The following ENTPD4 variants were observed in gnomAD, a reference collection of about 807,000 sequenced individuals.
ENTPD4 encodes Golgi UDPase.
ENTPD4 carries 60 observed loss-of-function variants against 79.1 expected under a neutral mutation model. That is an observed-to-expected ratio of 0.76 (90% CI 0.62 to 0.94). The LOEUF (loss-of-function observed/expected upper bound fraction) is 0.94, where lower values mean the gene tolerates loss of function less well. ENTPD4 is among the 40% of genes least tolerant of loss of function. The pLI is 0.00. For synonymous variants in ENTPD4, 276 were observed against 292.0 expected (o/e 0.95, Z 0.56); for missense variants, 772 against 775.1 (o/e 1.00, Z 0.05).
At chr8:23,442,471 G>A (rs888277974) in intron 6 of ENTPD4, among the ~76,000 whole-genome samples, 3 of 152,178 alleles carry the variant, frequency 2.0e-5, no homozygotes, top group African/African-American at 7.2e-5. Flanking sequence ...AGATCATGAG[G>A]TCAAGAGATT....
At chr8:23,442,668 C>T (rs551363013) in intron 6 of ENTPD4, among the ~76,000 whole-genome samples, 26 of 148,476 alleles carry the variant, frequency 1.8e-4, no homozygotes, top group Non-Finnish European at 3.4e-4. Context: ...GGTGACAGAG[C>T]GAGACTCCAT....
At chr8:23,455,440 G>A (rs1033539353) in intron 1 of ENTPD4, among the ~76,000 whole-genome samples, 1 of 152,236 alleles carries the variant, frequency 6.6e-6, no homozygotes, top group African/African-American at 2.4e-5. Flanking sequence ...GAGAGTGAGA[G>A]GCTGATGTGG....
Position 23,447,756 on chromosome 8 carries a change from G to C in ENTPD4, c.336C>G (p.Gly112=). Residue 112 remains glycine, a synonymous_variant, in exon 4 of 13, where the codon GGC becomes GGG. Transcript: ENST00000358689. ...VFVYCWPRHN[G]NPHDLLDIRQ... is the part of the protein sequence containing the mutation. ...TGATATCCAACAGATCATGTGGATT[G>C]CCATTATGCCTTGGCCAGCAGTAAA... 2 of 1,614,082 alleles carry C rather than the reference G, an allele frequency of 1.2e-6. No individual in the cohort carries two copies. Among genetic ancestry groups the C allele is most frequent in the Non-Finnish European group, 8.5e-7 (1 of 1,179,950 alleles).
intron 1 of ENTPD4, among the ~76,000 whole-genome samples, chr8:23,453,720 G>A (rs903676416): frequency 5.9e-5 from 9 of 152,174 alleles, no homozygotes; most frequent in African/African-American, 2.2e-4. Flanking sequence ...TGGGGGTACT[G>A]GGGTGACACA....
In ENTPD4 at chr8:23,432,764, C is replaced by G. The variant is rs1800478232; in HGVS notation, c.*162G>C. On this transcript the variant is annotated 3_prime_UTR_variant, in exon 13 of 13. Transcript: ENST00000358689. ...CCGCCCGCCTCGGCCTCCCAAAGTG[C>G]TGGGATTACAGGCGTGAGCCACCGC... The G allele has an allele frequency of 7.1e-7, 1 of 1,410,546 alleles. No individual in the cohort carries two copies. The highest frequency in any genetic ancestry group is 9.3e-7 in the Non-Finnish European group (1 of 1,080,632). The allele number at this position is 1,410,546 out of a possible 1,614,324, so 87.4% of individuals were successfully genotyped here. A position where few individuals can be genotyped will look rare whatever the true frequency, so the allele number is the denominator to read the frequency against.
In ENTPD4 at chr8:23,437,260, TA is replaced by T; in HGVS notation, c.1050-3del. 6.4e-7 allele frequency: 1 copy of T among 1,566,804 alleles called. No homozygotes were observed. Among genetic ancestry groups the T allele is most frequent in the Non-Finnish European group, 8.6e-7 (1 of 1,159,032 alleles). Reference sequence around the variant, plus strand: ...AGACCAGTCTGTTTACCCAGGAGCCTATGGCAAAACAAGAAACTTCATCGTG... The same window carrying T: ...AGACCAGTCTGTTTACCCAGGAGCCTTGGCAAAACAAGAAACTTCATCGTG... On this transcript the variant is annotated splice_region_variant and splice_polypyrimidine_tract_variant and intron_variant, in intron 9 of 12. Transcript: ENST00000358689.
At chr8:23,439,071 C>T (rs1008368460) in intron 9 of ENTPD4, among the ~76,000 whole-genome samples, 2 of 152,080 alleles carry the variant, frequency 1.3e-5, no homozygotes, top group African/African-American at 4.8e-5. Flanking sequence ...ATCCAAATAG[C>T]TTTTATGTTC....
intron 6 of ENTPD4, among the ~76,000 whole-genome samples, chr8:23,442,520 C>A (rs1015914052): frequency 2.0e-5 from 3 of 152,024 alleles, no homozygotes; most frequent in African/African-American, 4.8e-5. Flanking sequence ...CCCGTCTCTA[C>A]TAAAAATACA....
At chr8:23,445,733 C>T (rs1032135353) in intron 4 of ENTPD4, among the ~76,000 whole-genome samples, 1 of 152,196 alleles carries the variant, frequency 6.6e-6, no homozygotes, top group African/African-American at 2.4e-5. Flanking sequence ...TTGCCTGTCT[C>T]ATTACAACTA....
chr8:23,441,581 C>A lies in ENTPD4; in HGVS notation c.870G>T (p.Ala290=). The A allele has an allele frequency of 6.2e-7, 1 of 1,614,074 alleles. No homozygotes were observed. Among genetic ancestry groups the A allele is most frequent in the South Asian group, 1.1e-5 (1 of 91,074 alleles). ...AYEVPKTVSF[A]SSQQEEVAKN... ...TACAGATAATGACCTGCTGTGAGGACGCAAAGCTTACAGTTTTGGGGACTT... is the reference window on the plus strand; with the variant it reads ...TACAGATAATGACCTGCTGTGAGGAAGCAAAGCTTACAGTTTTGGGGACTT... Residue 290 remains alanine, a synonymous_variant, in exon 8 of 13, where the codon GCG becomes GCT. Coordinates refer to ENST00000358689, the MANE Select transcript of ENTPD4 (RefSeq NM_004901.5).
At position 23,457,613 on chromosome 8, in the gene ENTPD4, G is replaced by C. The variant is rs1209154364; in HGVS notation, c.-154C>G. The C allele has an allele frequency of 6.6e-6, 1 of 151,826 alleles. No individual in the cohort carries two copies. The highest frequency in any genetic ancestry group is 1.5e-5 in the Non-Finnish European group (1 of 67,918). The allele number at this position is 151,826 out of a possible 1,614,324, so 9.4% of individuals were successfully genotyped here. A position where few individuals can be genotyped will look rare whatever the true frequency, so the allele number is the denominator to read the frequency against. On this transcript the variant is annotated 5_prime_UTR_variant, in exon 1 of 13. Transcript: ENST00000358689. ...GGGACCACCAGTGGGCAGCATCACG[G>C]CCAGCCGGCTTCCTGGAGGCCGCGC...
chr8:23,447,789 T>G lies in ENTPD4; in HGVS notation c.303A>C (p.Arg101=), dbSNP rs543410595. The change falls in exon 4 of 13, where the codon CGA becomes CGC. Residue 101 remains arginine, a synonymous_variant. Coordinates refer to ENST00000358689, the MANE Select transcript of ENTPD4 (RefSeq NM_004901.5). The part of the protein sequence containing the change: ...IVVDCGSSGS[R]VFVYCWPRHN... ...GCCTTGGCCAGCAGTAAACAAATAC[T>G]CGAGACCCACTGCTACCACAGTCCA... 177 of 1,614,168 alleles carry G rather than the reference T, an allele frequency of 1.1e-4. 1 individual carries two copies. In the South Asian group the frequency reaches 1.8e-3, roughly 16 times the overall value.
intron 1 of ENTPD4, among the ~76,000 whole-genome samples, chr8:23,451,729 C>T (rs552079625): frequency 2.0e-5 from 3 of 152,304 alleles, no homozygotes; most frequent in South Asian, 4.2e-4. Flanking sequence ...ACTCTCTGGT[C>T]TCAGGGTCTC....
intron 7 of ENTPD4, 107 bp from the exon 8 acceptor site, chr8:23,441,830 A>G: frequency 7.6e-7 from 1 of 1,312,636 alleles, no homozygotes; most frequent in South Asian, 1.4e-5. Flanking sequence ...ATTCAGGCAA[A>G]CCCAGTCTAC....
intron 1 of ENTPD4, among the ~76,000 whole-genome samples, chr8:23,455,281 A>G (rs1800938197): frequency 6.6e-6 from 1 of 152,274 alleles, no homozygotes; most frequent in Admixed American, 6.5e-5. Context: ...CCTCTGGGAG[A>G]GCTCAGCTTC....
At chr8:23,440,768 T>C (rs937689339) in intron 8 of ENTPD4, among the ~76,000 whole-genome samples, 1 of 152,200 alleles carries the variant, frequency 6.6e-6, no homozygotes, top group Non-Finnish European at 1.5e-5. Context: ...AATAACCCCA[T>C]GTTGTAGGTA....
chr8:23,432,852 A>C lies in ENTPD4; in HGVS notation c.*74T>G, dbSNP rs1800480427. 6.8e-7 allele frequency: 1 copy of C among 1,465,224 alleles called. No individual in the cohort carries two copies. The highest frequency in any genetic ancestry group is 1.4e-5 in the African/African-American group (1 of 69,990). 90.8% of individuals were successfully genotyped at this position (1,465,224 alleles called of 1,614,324 possible). A position where few individuals can be genotyped will look rare whatever the true frequency, so the allele number is the denominator to read the frequency against. On this transcript the variant is annotated 3_prime_UTR_variant, in exon 13 of 13. Transcript: ENST00000358689. ...AAAGGGAAAGAAAAAACAAAACCAC[A>C]GGAAAATAAAGAGGAGAAACCCTGA...
At chr8:23,438,143 T>G (rs1160480577) in intron 9 of ENTPD4, among the ~76,000 whole-genome samples, 1 of 152,200 alleles carries the variant, frequency 6.6e-6, no homozygotes, top group Non-Finnish European at 1.5e-5. Flanking sequence ...GTCATCCTAT[T>G]GTGTGTGCAT....
chr8:23,439,777 T>C lies in ENTPD4; in HGVS notation c.1021A>G (p.Ile341Val), dbSNP rs549468877. 4 of 1,614,184 alleles carry C rather than the reference T, an allele frequency of 2.5e-6. No individual in the cohort carries two copies. The highest frequency in any genetic ancestry group is 3.4e-6 in the Non-Finnish European group (4 of 1,180,018). Residue 341 changes from isoleucine (I) to valine (V), a missense_variant, in exon 9 of 13, where the codon ATA becomes GTA. Physicochemically the swap from Ile to Val is conservative, Grantham distance 29. Coordinates refer to ENST00000358689, the MANE Select transcript of ENTPD4 (RefSeq NM_004901.5). Reference protein sequence around the residue: ...NAARQRYEDRIFANTIQKNRL... With the variant: ...NAARQRYEDRVFANTIQKNRL... ...TTCTTTTGAATGGTGTTGGCAAATATTCTGTCTTCGTATCTCTGTCGAGCA... is the reference window on the plus strand; with the variant it reads ...TTCTTTTGAATGGTGTTGGCAAATACTCTGTCTTCGTATCTCTGTCGAGCA...
Sources: gnomAD v4.1 joint callset for allele counts (sites outside exome capture counted in the v4.1 genomes callset) on GRCh38, gnomAD v4.1.1 for gene constraint, MANE v1.5 for transcripts, NCBI Gene and HGNC (gene_info 2026-07-23, HGNC 2026-07-21) for gene names.